Variants in PRR3 observed in about 807,000 individuals in gnomAD.
PRR3 encodes the protein proline rich 3.
Under a neutral mutation model 22.4 loss-of-function variants are expected in PRR3, and 16 were observed. The observed-to-expected ratio is 0.71, with a 90% CI of 0.48 to 1.09. PRR3 has a LOEUF of 1.09. Among genes scored for constraint, PRR3 ranks in the 50% least tolerant of loss-of-function variants. The pLI is 0.00. For synonymous variants in PRR3, 87 were observed against 88.6 expected, an observed-to-expected ratio of 0.98 and a Z score of 0.10; for missense variants, 224 against 243.4, an observed-to-expected ratio of 0.92 and a Z score of 0.53.
chr6:30,560,628 CAAA>C (rs1392537512), intron 2 of PRR3: 1 of 151,036 alleles, frequency 6.6e-6, no homozygotes, highest in African/African-American at 2.4e-5. Context: ...ACTAAAAATA[CAAA>C]AATTAGCCAG....
intron 2 of PRR3, 37 bp downstream of exon 2, chr6:30,558,249 G>A (rs55850540): frequency 3.8e-6 from 6 of 1,569,772 alleles, no homozygotes; most frequent in Admixed American, 1.7e-5. Flanking sequence ...GTATTAGGTC[G>A]TAGAGAAGAC....
Position 30,563,581 on chromosome 6 carries a change from TG to T in PRR3, c.*1087del, listed in dbSNP as rs1358909388. ...AACAGGTTCAGTTTTGAACTGGCCC[TG>T]AGGAAATGGGTCAGGAGTTGTATTG... On this transcript the variant is annotated 3_prime_UTR_variant, in exon 4 of 4. Transcript: ENST00000376560. 6.6e-6 allele frequency: 1 copy of T among 152,082 alleles called. No individual in the cohort carries two copies. Among genetic ancestry groups the T allele is most frequent in the Non-Finnish European group, 1.5e-5 (1 of 67,954 alleles). The allele number at this position is 152,082 out of a possible 1,614,324, so 9.4% of individuals were successfully genotyped here. A position where few individuals can be genotyped will look rare whatever the true frequency, so the allele number is the denominator to read the frequency against.
chr6:30,557,261 AC>A, upstream of PRR3: 13 of 1,040,854 alleles, frequency 1.2e-5, no homozygotes, highest in Middle Eastern at 2.0e-4. Flanking sequence ...CTGCCCACCG[AC>A]CCCCCGGAAG....
intron 3 of PRR3, 41 bp downstream of exon 3, chr6:30,562,165 C>T: frequency 6.6e-7 from 1 of 1,517,300 alleles, no homozygotes; most frequent in Non-Finnish European, 8.8e-7. Context: ...CCAGAGTGAC[C>T]TAATTTTCAG....
chr6:30,562,713 C>T lies in PRR3; in HGVS notation c.*218C>T, dbSNP rs557979770. On this transcript the variant is annotated 3_prime_UTR_variant, in exon 4 of 4. Transcript: ENST00000376560. ...TCTTCTGATCCAGCCTGTAGAGACT[C>T]GCCTTTGGGACCCATCTTTGCTTCC... is the stretch of plus-strand genomic sequence containing the variant. The T allele has an allele frequency of 2.7e-5, 12 of 440,358 alleles. No individual in the cohort carries two copies. The highest frequency in any genetic ancestry group is 4.8e-5 in the Non-Finnish European group (12 of 248,626). 27.3% of individuals were successfully genotyped at this position (440,358 alleles called of 1,614,324 possible). A position where few individuals can be genotyped will look rare whatever the true frequency, so the allele number is the denominator to read the frequency against.
At position 30,561,471 on chromosome 6, in the gene PRR3, G is replaced by A. The variant is rs1413242350; in HGVS notation, c.170-363G>A. On this transcript the variant is annotated intron_variant, in intron 2 of 3. Transcript: ENST00000376560. This position sits in a 1 kb window ranked among gnomAD's most constrained non-coding sequence, Gnocchi z 4.0. ...CCTGGATGAATCTCACAAACATGAT[G>A]TTGAGCGAAAGGAGCCAGACATAAA... 1.9e-6 allele frequency: 1 copy of A among 517,004 alleles called. No homozygotes were observed. Among genetic ancestry groups the A allele is most frequent in the African/African-American group, 1.9e-5 (1 of 52,500 alleles). The allele number at this position is 517,004 out of a possible 1,614,324, so 32.0% of individuals were successfully genotyped here.
chr6:30,558,145 C>G lies in PRR3; in HGVS notation c.107-5C>G, dbSNP rs775484029. 9 of 1,612,420 alleles carry G rather than the reference C, an allele frequency of 5.6e-6. No individual in the cohort carries two copies. Among genetic ancestry groups the G allele is most frequent in the South Asian group, 1.1e-5 (1 of 91,074 alleles). On this transcript the variant is annotated splice_region_variant and splice_polypyrimidine_tract_variant and intron_variant, in intron 1 of 3. Transcript: ENST00000376560. The stretch of plus-strand genomic sequence containing the variant: ...TGATGACCATATTTTCATGTCTGCT[C>G]TTAGGACCACCCAGCCTTCTGGGCC...
chr6:30,562,439 C>A lies in PRR3; in HGVS notation c.511C>A (p.Arg171=), dbSNP rs371871050. ...CRHFAKKGHC[R]YEDLCAFYHP... ...ACATTTTGCCAAAAAGGGCCACTGT[C>A]GATATGAGGACCTCTGTGCCTTCTA... The change falls in exon 4 of 4, where the codon CGA becomes AGA. Residue 171 remains arginine, a synonymous_variant. Transcript: ENST00000376560. 1.5e-5 allele frequency: 24 copies of A among 1,614,034 alleles called. No individual in the cohort carries two copies. The East Asian group carries it at 3.8e-4, about 25-fold the overall frequency.
rs1800725789 is a variant in PRR3 at position 30,562,716 on chromosome 6, C to A, written c.*221C>A. On this transcript the variant is annotated 3_prime_UTR_variant, in exon 4 of 4. Transcript: ENST00000376560. The stretch of plus-strand genomic sequence containing the variant: ...TCTGATCCAGCCTGTAGAGACTCGC[C>A]TTTGGGACCCATCTTTGCTTCCTTT... 1 of 433,934 alleles carries A rather than the reference C, an allele frequency of 2.3e-6. No homozygotes were observed. The highest frequency in any genetic ancestry group is 4.1e-6 in the Non-Finnish European group (1 of 244,764). 26.9% of individuals were successfully genotyped at this position (433,934 alleles called of 1,614,324 possible).
Position 30,561,282 on chromosome 6 carries a change from G to A in PRR3, c.170-552G>A, listed in dbSNP as rs1800610993. On this transcript the variant is annotated intron_variant, in intron 2 of 3. Coordinates refer to ENST00000376560, the MANE Select transcript of PRR3 (RefSeq NM_025263.4). The surrounding 1 kb of genome is among the most constrained non-coding windows in gnomAD (Gnocchi z 4.0). ...ATTCAACAGAAATGCATACGTATGTGTAACAACATGTATAAAAATGTTTAT... is the reference window on the plus strand; with the variant it reads ...ATTCAACAGAAATGCATACGTATGTATAACAACATGTATAAAAATGTTTAT... 1 of 451,158 alleles carries A rather than the reference G, an allele frequency of 2.2e-6. No individual in the cohort carries two copies. Among genetic ancestry groups the A allele is most frequent in the South Asian group, 1.6e-5 (1 of 63,282 alleles). 27.9% of individuals were successfully genotyped at this position (451,158 alleles called of 1,614,324 possible). A position where few individuals can be genotyped will look rare whatever the true frequency, so the allele number is the denominator to read the frequency against.
Position 30,562,893 on chromosome 6 carries a change from T to A in PRR3, c.*398T>A, listed in dbSNP as rs1263636350. On this transcript the variant is annotated 3_prime_UTR_variant, in exon 4 of 4. Transcript: ENST00000376560. ...AGCGGTTTCCTACCATTCCCTTCTT[T>A]TAGCTGCTTGTTTTAAGTCCTTTTT... The A allele has an allele frequency of 6.0e-6, 1 of 165,458 alleles. No homozygotes were observed. The highest frequency in any genetic ancestry group is 1.3e-5 in the Non-Finnish European group (1 of 76,968). The allele number at this position is 165,458 out of a possible 1,614,324, so 10.2% of individuals were successfully genotyped here.
chr6:30,557,065 G>A, upstream of PRR3: 2 of 702,042 alleles, frequency 2.8e-6, no homozygotes, highest in South Asian at 3.0e-5. Flanking sequence ...GCTGGTTGTG[G>A]TGTTTTCCAG....
rs760438902 is a variant in PRR3 at position 30,561,416 on chromosome 6, C to T, written c.170-418C>T. 4 of 477,456 alleles carry T rather than the reference C, an allele frequency of 8.4e-6. No homozygotes were observed. The highest frequency in any genetic ancestry group is 1.6e-5 in the South Asian group (1 of 64,488). The allele number at this position is 477,456 out of a possible 1,614,324, so 29.6% of individuals were successfully genotyped here. A position where few individuals can be genotyped will look rare whatever the true frequency, so the allele number is the denominator to read the frequency against. ...TGCATGCAATGGGACTACACTGCAACGAAAATGAATGAACTGCTGCTACAG... is the reference window on the plus strand; with the variant it reads ...TGCATGCAATGGGACTACACTGCAATGAAAATGAATGAACTGCTGCTACAG... On this transcript the variant is annotated intron_variant, in intron 2 of 3. Transcript: ENST00000376560. This position sits in a 1 kb window ranked among gnomAD's most constrained non-coding sequence, Gnocchi z 4.0.
At chr6:30,556,919 T>C (rs1582524988), upstream of PRR3, 8 of 603,660 alleles carry the variant, frequency 1.3e-5, no homozygotes, top group Non-Finnish European at 2.4e-5. The surrounding 1 kb of genome is among the most constrained non-coding windows in gnomAD (Gnocchi z 5.7). Flanking sequence ...TGGGGGGAGG[T>C]CAAAGGGCAC....
At chr6:30,557,571 A>C (rs1489791180) in intron 1 of PRR3, 121 bp downstream of exon 1, 2 of 674,840 alleles carry the variant, frequency 3.0e-6, no homozygotes, top group Non-Finnish European at 5.0e-6. Flanking sequence ...CGCGCTGGGG[A>C]GGGATGGAAG....
At chr6:30,562,355 A>C in intron 3 of PRR3, 34 bp from the exon 4 acceptor site, 1 of 1,530,972 alleles carries the variant, frequency 6.5e-7, no homozygotes, top group Non-Finnish European at 9.0e-7. Flanking sequence ...TTGTTGCTCA[A>C]ATTTTTAACT....
Position 30,562,597 on chromosome 6 carries a change from C to T in PRR3, c.*102C>T. 1.3e-6 allele frequency: 1 copy of T among 756,718 alleles called. No individual in the cohort carries two copies. Among genetic ancestry groups the T allele is most frequent in the South Asian group, 1.6e-5 (1 of 63,512 alleles). 46.9% of individuals were successfully genotyped at this position (756,718 alleles called of 1,614,324 possible). A position where few individuals can be genotyped will look rare whatever the true frequency, so the allele number is the denominator to read the frequency against. ...GGCTACTGTGAGGCTCTTCTAACAC[C>T]CTCAGTCAGTGACACACCCATCCCA... On this transcript the variant is annotated 3_prime_UTR_variant, in exon 4 of 4. Coordinates refer to ENST00000376560, the MANE Select transcript of PRR3 (RefSeq NM_025263.4).
intron 2 of PRR3, among the ~76,000 whole-genome samples, chr6:30,559,148 C>T (rs937990755): frequency 2.6e-5 from 4 of 152,116 alleles, no homozygotes; most frequent in African/African-American, 7.2e-5. Flanking sequence ...GAGGCCGAGG[C>T]GGGCGAATCA....
In PRR3 at chr6:30,557,449, C is replaced by A. The variant is rs1800327543; in HGVS notation, c.105C>A (p.Ile35=). 4 of 1,603,604 alleles carry A rather than the reference C, an allele frequency of 2.5e-6. No individual in the cohort carries two copies. The highest frequency in any genetic ancestry group is 3.4e-6 in the Non-Finnish European group (4 of 1,173,426). The change falls in exon 1 of 4, where the codon ATC becomes ATA. Residue 35 remains isoleucine (I), a splice_region_variant and synonymous_variant. Transcript: ENST00000376560. ...GAGATGAGGAGGATGGGAGTCCCAT[C>A]GGTGAGGGGTCTGGGAGGGATGTGC... ...ETGDEEDGSP[I]GPPSLLGPPP...
Sources: allele counts gnomAD v4.1 joint callset (sites outside exome capture counted in the v4.1 genomes callset), GRCh38; gene constraint gnomAD v4.1.1; non-coding constraint Gnocchi (gnomAD v3.1); transcripts MANE v1.5; gene names NCBI Gene and HGNC (gene_info 2026-07-23, HGNC 2026-07-21).